The following C8orf82 variants were observed in gnomAD, a reference collection of about 807,000 sequenced individuals.
C8orf82 encodes chromosome 8 open reading frame 82.
In C8orf82, 24 loss-of-function variants were observed where a neutral mutation model predicts 15.0. The ratio of observed to expected loss-of-function variants is 1.60; its 90% CI spans 1.16 to 2.24. The LOEUF (loss-of-function observed/expected upper bound fraction) is 2.24. Among genes scored for constraint, C8orf82 ranks in the 30% most tolerant of loss-of-function variants. C8orf82 has a pLI of 0.00. For synonymous variants in C8orf82, 205 were observed against 152.2 expected (o/e 1.35, Z -2.55); for missense variants, 388 against 317.4 (o/e 1.22, Z -1.69).
Position 144,528,848 on chromosome 8 carries a change from G to C in C8orf82, c.69C>G (p.Ser23Arg), listed in dbSNP as rs777695737. 3 of 1,519,170 alleles carry C rather than the reference G, an allele frequency of 2.0e-6. No individual in the cohort carries two copies. The highest frequency in any genetic ancestry group is 2.1e-5 in the Admixed American group (1 of 47,350). 94.1% of individuals were successfully genotyped at this position (1,519,170 alleles called of 1,614,324 possible). A position where few individuals can be genotyped will look rare whatever the true frequency, so the allele number is the denominator to read the frequency against. Residue 23 changes from serine to arginine, a missense_variant, in exon 1 of 3, where the codon AGC becomes AGG. By Grantham distance (110) the Ser-to-Arg change is moderately radical. Coordinates refer to ENST00000524821, the MANE Select transcript of C8orf82 (RefSeq NM_001001795.2). ...LARSRGARAC[S>R]GDGGVSYTQG... ...GCGTGTAGGAAACGCCCCCATCCCCGCTGCAGGCCCGGGCTCCCCGCGACC... is the reference window on the plus strand; with the variant it reads ...GCGTGTAGGAAACGCCCCCATCCCCCCTGCAGGCCCGGGCTCCCCGCGACC...
In C8orf82 at chr8:144,528,825, G is replaced by C. The variant is rs750049355; in HGVS notation, c.92C>G (p.Thr31Arg). 2.0e-6 allele frequency: 3 copies of C among 1,520,164 alleles called. No individual in the cohort carries two copies. Among genetic ancestry groups the C allele is most frequent in the Non-Finnish European group, 2.6e-6 (3 of 1,136,428 alleles). 94.2% of individuals were successfully genotyped at this position (1,520,164 alleles called of 1,614,324 possible). The part of the protein sequence containing the change: ...ACSGDGGVSY[T>R]QGQSPEPRTR... ...CCGCGGCTCCGGACTCTGGCCCTGCGTGTAGGAAACGCCCCCATCCCCGCT... is the reference window on the plus strand; with the variant it reads ...CCGCGGCTCCGGACTCTGGCCCTGCCTGTAGGAAACGCCCCCATCCCCGCT... The change falls in exon 1 of 3, where the codon ACG becomes AGG. Residue 31 changes from threonine (T) to arginine (R), a missense_variant. Thr to Arg is a moderately conservative substitution (Grantham distance 71). Transcript: ENST00000524821.
At position 144,527,634 on chromosome 8, in the gene C8orf82, G is replaced by T; in HGVS notation, c.359C>A (p.Ala120Glu). The change falls in exon 3 of 3, where the codon GCG (alanine) becomes GAG (glutamate). Residue 120 changes from alanine to glutamate, a missense_variant. Transcript: ENST00000524821. ...RPVVFTHLLTADHGPPRLSYC... is the reference protein window; with the variant it reads ...RPVVFTHLLTEDHGPPRLSYC... ...GGAGAGGCGCGGAGGCCCGTGGTCC[G>T]CGGTCAGCAGGTGCGTGAAGACCAC... 6.5e-7 allele frequency: 1 copy of T among 1,537,408 alleles called. No individual in the cohort carries two copies. Among genetic ancestry groups the T allele is most frequent in the Non-Finnish European group, 8.7e-7 (1 of 1,147,776 alleles).
intron 1 of C8orf82, 50 bp downstream of exon 1, chr8:144,528,711 G>T: frequency 3.1e-6 from 1 of 319,996 alleles, no homozygotes. Context: ...GCCCCGCCCA[G>T]AGACCTCTCC....
Position 144,528,873 on chromosome 8 carries a change from C to G in C8orf82, c.44G>C (p.Arg15Pro). The stretch of plus-strand genomic sequence containing the variant: ...GCTGCAGGCCCGGGCTCCCCGCGAC[C>G]GCGCCAAGGCCAGGGTCCGGAGCGT... ...CGTLRTLALA[R>P]SRGARACSGD... Residue 15 changes from arginine to proline, a missense_variant, in exon 1 of 3, where the codon CGG becomes CCG. By Grantham distance (103) the Arg-to-Pro change is moderately radical. Coordinates refer to ENST00000524821, the MANE Select transcript of C8orf82 (RefSeq NM_001001795.2). 6.6e-7 allele frequency: 1 copy of G among 1,518,256 alleles called. No individual in the cohort carries two copies. The highest frequency in any genetic ancestry group is 8.8e-7 in the Non-Finnish European group (1 of 1,134,942). The allele number at this position is 1,518,256 out of a possible 1,614,324, so 94.0% of individuals were successfully genotyped here.
At chr8:144,528,223 AGGT>A (rs1387322066) in intron 1 of C8orf82, 151 bp from the exon 2 acceptor site, 1 of 1,487,322 alleles carries the variant, frequency 6.7e-7, no homozygotes, top group Non-Finnish European at 8.9e-7. Context: ...GGCGCGTGAA[AGGT>A]AAACCTGGGG....
Position 144,527,436 on chromosome 8 carries a change from G to A in C8orf82, c.557C>T (p.Ala186Val), listed in dbSNP as rs1390456006. Reference protein sequence around the residue: ...LSACFEYGPGAPALPSHVRWQ... With the variant: ...LSACFEYGPGVPALPSHVRWQ... Reference sequence around the variant, plus strand: ...GCGCACGTGCGAGGGCAGCGCAGGCGCGCCGGGCCCGTACTCGAAGCAGGC... The same window carrying A: ...GCGCACGTGCGAGGGCAGCGCAGGCACGCCGGGCCCGTACTCGAAGCAGGC... The change falls in exon 3 of 3, where the codon GCG becomes GTG. Residue 186 changes from alanine (A) to valine (V), a missense_variant. Physicochemically the swap from Ala to Val is moderately conservative, Grantham distance 64. Transcript: ENST00000524821. The A allele has an allele frequency of 5.7e-6, 7 of 1,236,746 alleles. No homozygotes were observed. The highest frequency in any genetic ancestry group is 7.1e-6 in the Non-Finnish European group (7 of 987,368). The allele number at this position is 1,236,746 out of a possible 1,614,324, so 76.6% of individuals were successfully genotyped here. A position where few individuals can be genotyped will look rare whatever the true frequency, so the allele number is the denominator to read the frequency against.
rs1420628299 is a variant in C8orf82, at chr8:144,529,074, C to T, written c.-158G>A. ...CCCTCTCCCTCGGGCCTCGGGGGCT[C>T]GCCCGCCCTGGCCTTCCGAGAGGCG... is the stretch of plus-strand genomic sequence containing the variant. On this transcript the variant is annotated 5_prime_UTR_variant, in exon 1 of 3. Coordinates refer to ENST00000524821, the MANE Select transcript of C8orf82 (RefSeq NM_001001795.2). The T allele has an allele frequency of 1.3e-5, 9 of 692,934 alleles. No homozygotes were observed. Among genetic ancestry groups the T allele is most frequent in the Non-Finnish European group, 1.7e-5 (8 of 473,600 alleles). The allele number at this position is 692,934 out of a possible 1,614,324, so 42.9% of individuals were successfully genotyped here.
In C8orf82 at chr8:144,527,706, G is replaced by T. The variant is rs760225997; in HGVS notation, c.287C>A (p.Ser96Ter). The T allele has an allele frequency of 6.3e-7, 1 of 1,587,604 alleles. No homozygotes were observed. Among genetic ancestry groups the T allele is most frequent in the African/African-American group, 1.3e-5 (1 of 74,884 alleles). Reference sequence around the variant, plus strand: ...GAAGTTGCGCTCTCTGCCGCAGGGCGAGAGGAAGGGGAAAGCGGCCTCGTA... The same window carrying T: ...GAAGTTGCGCTCTCTGCCGCAGGGCTAGAGGAAGGGGAAAGCGGCCTCGTA... ...GRYEAAFPFL[S>*]PCGRERNFLR... The change falls in exon 3 of 3, where the codon TCG becomes TAG. Residue 96 changes from serine to a stop codon, truncating the protein, a stop_gained. Transcript: ENST00000524821. LOFTEE classifies it high-confidence loss of function.
Position 144,527,627 on chromosome 8 carries a change from G to A in C8orf82, c.366C>T (p.His122=), listed in dbSNP as rs971572874. Residue 122 remains histidine (H), a synonymous_variant, in exon 3 of 3, where the codon CAC becomes CAT. Coordinates refer to ENST00000524821, the MANE Select transcript of C8orf82 (RefSeq NM_001001795.2). ...CGCAGTAGGAGAGGCGCGGAGGCCCGTGGTCCGCGGTCAGCAGGTGCGTGA... is the reference window on the plus strand; with the variant it reads ...CGCAGTAGGAGAGGCGCGGAGGCCCATGGTCCGCGGTCAGCAGGTGCGTGA... ...VVFTHLLTAD[H]GPPRLSYCGG... is the part of the protein sequence containing the mutation. 2.0e-6 allele frequency: 3 copies of A among 1,533,582 alleles called. No homozygotes were observed. The highest frequency in any genetic ancestry group is 2.4e-5 in the East Asian group (1 of 40,832). 95.0% of individuals were successfully genotyped at this position (1,533,582 alleles called of 1,614,324 possible).
rs1015480192 is a variant in C8orf82 at position 144,527,522 on chromosome 8, C to T, written c.471G>A (p.Pro157=). The part of the protein sequence containing the change: ...PLAANGRLYH[P]APERAGGVGL... ...CCACGCCGCCCGCACGCTCCGGCGC[C>T]GGGTGGTACAGGCGCCCGTTGGCGG... is the stretch of plus-strand genomic sequence containing the variant. Residue 157 remains proline, a synonymous_variant, in exon 3 of 3, where the codon CCG becomes CCA. Transcript: ENST00000524821. The T allele has an allele frequency of 3.0e-6, 4 of 1,350,984 alleles. No homozygotes were observed. The highest frequency in any genetic ancestry group is 1.6e-5 in the African/African-American group (1 of 64,008). 83.7% of individuals were successfully genotyped at this position (1,350,984 alleles called of 1,614,324 possible).
Position 144,528,804 on chromosome 8 carries a change from G to A in C8orf82, c.113C>T (p.Pro38Leu), listed in dbSNP as rs374725938. The A allele has an allele frequency of 4.8e-5, 70 of 1,470,914 alleles. No homozygotes were observed. Among genetic ancestry groups the A allele is most frequent in the Non-Finnish European group, 6.0e-5 (67 of 1,111,436 alleles). The allele number at this position is 1,470,914 out of a possible 1,614,324, so 91.1% of individuals were successfully genotyped here. Residue 38 changes from proline (P) to leucine (L), a missense_variant, in exon 1 of 3, where the codon CCG (proline) becomes CTG (leucine). Coordinates refer to ENST00000524821, the MANE Select transcript of C8orf82 (RefSeq NM_001001795.2). ...GTAGTAGAAATACTCGCGGGTCCGC[G>A]GCTCCGGACTCTGGCCCTGCGTGTA... ...VSYTQGQSPEPRTREYFYYVD... is the reference protein window; with the variant it reads ...VSYTQGQSPELRTREYFYYVD...
Position 144,525,855 on chromosome 8 carries a change from A to T in C8orf82, c.*1487T>A, listed in dbSNP as rs1043925259. ...ACTGGGTTTCTGGTGTGGCTTCCCA[A>T]GTGGGCTCTGGGAGCAGTGTGACCT... On this transcript the variant is annotated 3_prime_UTR_variant, in exon 3 of 3. Transcript: ENST00000524821. 1 of 152,210 alleles carries T rather than the reference A, an allele frequency of 6.6e-6. No individual in the cohort carries two copies. Among genetic ancestry groups the T allele is most frequent in the Non-Finnish European group, 1.5e-5 (1 of 68,052 alleles). The allele number at this position is 152,210 out of a possible 1,614,324, so 9.4% of individuals were successfully genotyped here. A position where few individuals can be genotyped will look rare whatever the true frequency, so the allele number is the denominator to read the frequency against.
Position 144,527,398 on chromosome 8 carries a change from G to A in C8orf82, c.595C>T (p.Arg199Cys). Residue 199 changes from arginine to cysteine, a missense_variant, in exon 3 of 3, where the codon CGC becomes TGC. Physicochemically the swap from Arg to Cys is radical, Grantham distance 180. Coordinates refer to ENST00000524821, the MANE Select transcript of C8orf82 (RefSeq NM_001001795.2). The stretch of plus-strand genomic sequence containing the variant: ...GCCAGGTCCATGGTGAGGGCGAGGC[G>A]GCGGCCCTGCCAGCGCACGTGCGAG... ...LPSHVRWQGR[R>C]LALTMDLAPL... 1 of 1,241,176 alleles carries A rather than the reference G, an allele frequency of 8.1e-7. No individual in the cohort carries two copies. Among genetic ancestry groups the A allele is most frequent in the Non-Finnish European group, 1.0e-6 (1 of 987,826 alleles). The allele number at this position is 1,241,176 out of a possible 1,614,324, so 76.9% of individuals were successfully genotyped here. A position where few individuals can be genotyped will look rare whatever the true frequency, so the allele number is the denominator to read the frequency against.
In C8orf82 at chr8:144,528,771, T is replaced by A. The variant is rs1486905694; in HGVS notation, c.146A>T (p.His49Leu). ...RTREYFYYVD[H>L]QGQLFLDDSK... ...CCTGCCCCCGCCCACCTGGCCCTGG[T>A]GGTCCACGTAGTAGAAATACTCGCG... The change falls in exon 1 of 3, where the codon CAC (histidine) becomes CTC (leucine). Residue 49 changes from histidine (H) to leucine (L), a missense_variant. Physicochemically the swap from His to Leu is moderately conservative, Grantham distance 99 (BLOSUM62 -3). Coordinates refer to ENST00000524821, the MANE Select transcript of C8orf82 (RefSeq NM_001001795.2). 1.6e-6 allele frequency: 2 copies of A among 1,216,362 alleles called. No homozygotes were observed. Among genetic ancestry groups the A allele is most frequent in the East Asian group, 1.3e-4 (2 of 15,200 alleles). The allele number at this position is 1,216,362 out of a possible 1,614,324, so 75.3% of individuals were successfully genotyped here. A position where few individuals can be genotyped will look rare whatever the true frequency, so the allele number is the denominator to read the frequency against.
At chr8:144,528,616 C>CCGGGGGGGGG in intron 1 of C8orf82, 145 bp downstream of exon 1, 9 of 295,988 alleles carry the variant, frequency 3.0e-5, no homozygotes, top group Non-Finnish European at 4.1e-5. Flanking sequence ...GCGCAGGCCC[C>CCGGGGGGGGG]GCCCACCCAC....
At position 144,528,896 on chromosome 8, in the gene C8orf82, C is replaced by T. The variant is rs1433485058; in HGVS notation, c.21G>A (p.Thr7=). 2 of 1,512,244 alleles carry T rather than the reference C, an allele frequency of 1.3e-6. No individual in the cohort carries two copies. The highest frequency in any genetic ancestry group is 1.8e-6 in the Non-Finnish European group (2 of 1,132,368). The allele number at this position is 1,512,244 out of a possible 1,614,324, so 93.7% of individuals were successfully genotyped here. The part of the protein sequence containing the change: MWPPCG[T]LRTLALARSR... Reference sequence around the variant, plus strand: ...ACCGCGCCAAGGCCAGGGTCCGGAGCGTCCCGCAAGGCGGCCACATTCTCC... The same window carrying T: ...ACCGCGCCAAGGCCAGGGTCCGGAGTGTCCCGCAAGGCGGCCACATTCTCC... Residue 7 remains threonine (T), a synonymous_variant, in exon 1 of 3, where the codon ACG becomes ACA. Transcript: ENST00000524821.
chr8:144,528,869 C>A lies in C8orf82; in HGVS notation c.48G>T (p.Ser16=). 6.6e-7 allele frequency: 1 copy of A among 1,518,264 alleles called. No individual in the cohort carries two copies. Among genetic ancestry groups the A allele is most frequent in the African/African-American group, 1.4e-5 (1 of 69,216 alleles). 94.0% of individuals were successfully genotyped at this position (1,518,264 alleles called of 1,614,324 possible). A position where few individuals can be genotyped will look rare whatever the true frequency, so the allele number is the denominator to read the frequency against. ...GTLRTLALAR[S]RGARACSGDG... ...CCCCGCTGCAGGCCCGGGCTCCCCG[C>A]GACCGCGCCAAGGCCAGGGTCCGGA... The change falls in exon 1 of 3, where the codon TCG becomes TCT. Residue 16 remains serine (S), a synonymous_variant. Transcript: ENST00000524821.
Position 144,527,735 on chromosome 8 carries a change from C to A in C8orf82, c.258G>T (p.Gly86=). The change falls in exon 3 of 3, where the codon GGG becomes GGT. Residue 86 remains glycine, a synonymous_variant. Coordinates refer to ENST00000524821, the MANE Select transcript of C8orf82 (RefSeq NM_001001795.2). ...FFSRLRPNRS[G]RYEAAFPFLS... Reference sequence around the variant, plus strand: ...GGAAGGGGAAAGCGGCCTCGTAGCGCCCGCTGCGGTTGGGTCTCAGGCGGG... The same window carrying A: ...GGAAGGGGAAAGCGGCCTCGTAGCGACCGCTGCGGTTGGGTCTCAGGCGGG... 2 of 1,592,988 alleles carry A rather than the reference C, an allele frequency of 1.3e-6. No individual in the cohort carries two copies. Among genetic ancestry groups the A allele is most frequent in the Non-Finnish European group, 1.7e-6 (2 of 1,176,922 alleles).
In C8orf82 at chr8:144,527,340, G is replaced by A. The variant is rs1339015672; in HGVS notation, c.*2C>T. On this transcript the variant is annotated 3_prime_UTR_variant, in exon 3 of 3. Transcript: ENST00000524821. ...GGCCTCCCGCCTTTCCCTTGGCCCCGCTCAGGGCGACCGAGCCGCGAGCAG... is the reference window on the plus strand; with the variant it reads ...GGCCTCCCGCCTTTCCCTTGGCCCCACTCAGGGCGACCGAGCCGCGAGCAG... 2 of 1,187,176 alleles carry A rather than the reference G, an allele frequency of 1.7e-6. No individual in the cohort carries two copies. The highest frequency in any genetic ancestry group is 3.5e-4 in the Middle Eastern group (1 of 2,844). The allele number at this position is 1,187,176 out of a possible 1,614,324, so 73.5% of individuals were successfully genotyped here. A position where few individuals can be genotyped will look rare whatever the true frequency, so the allele number is the denominator to read the frequency against.
Sources: allele counts gnomAD v4.1 joint callset, GRCh38; gene constraint gnomAD v4.1.1; transcripts MANE v1.5; gene names NCBI Gene and HGNC (gene_info 2026-07-23, HGNC 2026-07-21).